SCUBE3: variants seen among roughly 807,000 people sequenced by gnomAD.
SCUBE3 encodes the protein signal peptide, CUB domain and EGF like domain containing 3, also known as signal peptide, CUB and EGF-like domain-containing protein 3.
SCUBE3 carries 33 observed loss-of-function variants against 116.8 expected under a neutral mutation model. That is an observed-to-expected ratio of 0.28 (90% CI 0.21 to 0.38). The LOEUF (loss-of-function observed/expected upper bound fraction) is 0.38. SCUBE3 is among the 10% of genes least tolerant of loss of function. The probability of loss-of-function intolerance (pLI) is 1.00; values close to 1 mark genes in which losing one functional copy is unlikely to be tolerated. For synonymous variants in SCUBE3, 418 were observed against 496.9 expected (o/e 0.84, Z 2.11); for missense variants, 1,007 against 1,324.8 (o/e 0.76, Z 3.72).
chr6:35,242,116 C>T lies in SCUBE3; in HGVS notation c.1418-88C>T, dbSNP rs1784092587. 10 of 1,008,906 alleles carry T rather than the reference C, an allele frequency of 9.9e-6. No individual in the cohort carries two copies. In the South Asian group the frequency reaches 1.3e-4, roughly 13 times the overall value. 62.5% of individuals were successfully genotyped at this position (1,008,906 alleles called of 1,614,324 possible). Reference sequence around the variant, plus strand: ...CTCACTCCCCCAGCCAAGCCCCTGGCTTATTACCCAGCTTCTCAACAACCC... The same window carrying T: ...CTCACTCCCCCAGCCAAGCCCCTGGTTTATTACCCAGCTTCTCAACAACCC... On this transcript the variant is annotated intron_variant, in intron 12 of 21. Coordinates refer to ENST00000274938, the MANE Select transcript of SCUBE3 (RefSeq NM_152753.4).
chr6:35,233,601 G>T lies in SCUBE3; in HGVS notation c.712+300G>T, dbSNP rs538001466. On this transcript the variant is annotated intron_variant, in intron 6 of 21. Transcript: ENST00000274938. This position sits in a 1 kb window ranked among gnomAD's most constrained non-coding sequence, Gnocchi z 5.7. ...CAAACTGGGAATAATTAGCAGAGTT[G>T]CTTATTGACCAAGGCTGTAGTTGAG... Among the ~76,000 whole-genome samples, 98 of 152,326 alleles carry T rather than the reference G, an allele frequency of 6.4e-4. No homozygotes were observed. Among genetic ancestry groups the T allele is most frequent in the Non-Finnish European group, 1.2e-3 (83 of 68,026 alleles).
At chr6:35,247,040 T>C (rs952420774) in intron 21 of SCUBE3, among the ~76,000 whole-genome samples, 1 of 152,126 alleles carries the variant, frequency 6.6e-6, no homozygotes, top group African/African-American at 2.4e-5. Context: ...AATCAATTTA[T>C]GTACAGACTT....
At chr6:35,227,244 C>T (rs766419457) in intron 1 of SCUBE3, among the ~76,000 whole-genome samples, 1 of 152,188 alleles carries the variant, frequency 6.6e-6, no homozygotes, top group Non-Finnish European at 1.5e-5. Flanking sequence ...AACTCATTCA[C>T]TTTAAGTTGA....
At chr6:35,238,120 C>T (rs1251632364) in intron 7 of SCUBE3, 102 bp downstream of exon 7, 2 of 644,616 alleles carry the variant, frequency 3.1e-6, no homozygotes, top group Non-Finnish European at 5.7e-6. Flanking sequence ...TCCTCAACCT[C>T]CTTCTTATGA....
chr6:35,215,099 T>C (rs1782832493), intron 1 of SCUBE3, among the ~76,000 whole-genome samples: 2 of 152,206 alleles, frequency 1.3e-5, no homozygotes, highest in Admixed American at 1.3e-4. Flanking sequence ...GACAGGAATG[T>C]TGCGTTTCTG....
In SCUBE3 at chr6:35,231,301, T is replaced by A. The variant is rs1414638283; in HGVS notation, c.335-424T>A. 6.6e-6 allele frequency among the ~76,000 whole-genome samples: 1 copy of A among 152,016 alleles called. No individual in the cohort carries two copies. Among genetic ancestry groups the A allele is most frequent in the Non-Finnish European group, 1.5e-5 (1 of 67,984 alleles). ...CCTGCACCCAGAGCCACTTCCCAGG[T>A]TCCTACATTCCCTGGCTGCTCATTG... On this transcript the variant is annotated intron_variant, in intron 3 of 21. Coordinates refer to ENST00000274938, the MANE Select transcript of SCUBE3 (RefSeq NM_152753.4). The surrounding 1 kb of genome is among the most constrained non-coding windows in gnomAD (Gnocchi z 4.2).
At chr6:35,217,281 T>G (rs1396122877) in intron 1 of SCUBE3, among the ~76,000 whole-genome samples, 1 of 98,238 alleles carries the variant, frequency 1.0e-5, no homozygotes, top group Non-Finnish European at 1.9e-5. Context: ...CAGCAGTGGT[T>G]AAAAAGACCT....
Position 35,239,978 on chromosome 6 carries a change from C to T in SCUBE3, c.952+104C>T, listed in dbSNP as rs1252840592. The stretch of plus-strand genomic sequence containing the variant: ...TCTTAGAAACTCAATAGATATCACA[C>T]AGAGTCTCTAGAGGCAGTGTCATCC... On this transcript the variant is annotated intron_variant, in intron 8 of 21. Coordinates refer to ENST00000274938, the MANE Select transcript of SCUBE3 (RefSeq NM_152753.4). The surrounding 1 kb of genome is among the most constrained non-coding windows in gnomAD (Gnocchi z 4.1). 9.8e-7 allele frequency: 1 copy of T among 1,018,566 alleles called. No homozygotes were observed. The highest frequency in any genetic ancestry group is 2.8e-5 in the East Asian group (1 of 36,134). 63.1% of individuals were successfully genotyped at this position (1,018,566 alleles called of 1,614,324 possible). A position where few individuals can be genotyped will look rare whatever the true frequency, so the allele number is the denominator to read the frequency against.
Position 35,248,839 on chromosome 6 carries a change from C to G in SCUBE3, c.*134C>G. 1.5e-6 allele frequency: 1 copy of G among 686,080 alleles called. No individual in the cohort carries two copies. The highest frequency in any genetic ancestry group is 2.5e-6 in the Non-Finnish European group (1 of 397,558). The allele number at this position is 686,080 out of a possible 1,614,324, so 42.5% of individuals were successfully genotyped here. A position where few individuals can be genotyped will look rare whatever the true frequency, so the allele number is the denominator to read the frequency against. On this transcript the variant is annotated 3_prime_UTR_variant, in exon 22 of 22. Coordinates refer to ENST00000274938, the MANE Select transcript of SCUBE3 (RefSeq NM_152753.4). The stretch of plus-strand genomic sequence containing the variant: ...GAAAAAAAAAATATCACTACACAAA[C>G]CAGGCACTCTCCCTTTCTGTCTTTC...
In SCUBE3 at chr6:35,249,855, A is replaced by G. The variant is rs976314156; in HGVS notation, c.*1150A>G. Reference sequence around the variant, plus strand: ...TGTGCACTTGGCGAGCCTCCTGCCCACCCTGTCCACACCTAATAAGTGCAA... The same window carrying G: ...TGTGCACTTGGCGAGCCTCCTGCCCGCCCTGTCCACACCTAATAAGTGCAA... On this transcript the variant is annotated 3_prime_UTR_variant, in exon 22 of 22. Coordinates refer to ENST00000274938, the MANE Select transcript of SCUBE3 (RefSeq NM_152753.4). 19 of 152,488 alleles carry G rather than the reference A, an allele frequency of 1.2e-4. No individual in the cohort carries two copies. Among genetic ancestry groups the G allele is most frequent in the African/African-American group, 4.6e-4 (19 of 41,370 alleles). The allele number at this position is 152,488 out of a possible 1,614,324, so 9.4% of individuals were successfully genotyped here.
chr6:35,241,353 G>T lies in SCUBE3; in HGVS notation c.1195+87G>T. The stretch of plus-strand genomic sequence containing the variant: ...TGGAAAGCATAGAGTATCACATTGG[G>T]GAAAGGTGTGAGGTGGAAAGGGTGG... On this transcript the variant is annotated intron_variant, in intron 10 of 21. Coordinates refer to ENST00000274938, the MANE Select transcript of SCUBE3 (RefSeq NM_152753.4). The surrounding 1 kb of genome is among the most constrained non-coding windows in gnomAD (Gnocchi z 4.1). 1 of 1,438,764 alleles carries T rather than the reference G, an allele frequency of 7.0e-7. No individual in the cohort carries two copies. The allele number at this position is 1,438,764 out of a possible 1,614,324, so 89.1% of individuals were successfully genotyped here.
rs759387150 is a variant in SCUBE3 at position 35,228,615 on chromosome 6, C to T, written c.210C>T (p.Asp70=). The T allele has an allele frequency of 1.2e-5, 19 of 1,613,516 alleles. No individual in the cohort carries two copies. Among genetic ancestry groups the T allele is most frequent in the South Asian group, 4.4e-5 (4 of 90,990 alleles). ...GTCTCAGCTTCCCTTTGCCCACAGA[C>T]GTGGATGAGTGCGAGCGAGAGGATA... The part of the protein sequence containing the change: ...GYTGDGKHCK[D]VDECEREDNA... The change falls in exon 3 of 22, where the codon GAC becomes GAT. Residue 70 remains aspartate (D), a splice_region_variant and synonymous_variant. Transcript: ENST00000274938. The surrounding 1 kb of genome is among the most constrained non-coding windows in gnomAD (Gnocchi z 4.9).
chr6:35,222,688 G>A (rs1434372987), intron 1 of SCUBE3: 6 of 152,172 alleles, frequency 3.9e-5, no homozygotes, highest in Admixed American at 1.3e-4. Context: ...GTTCCCAACT[G>A]GCCTCTCACC....
At chr6:35,225,173 C>G (rs922374337) in intron 1 of SCUBE3, among the ~76,000 whole-genome samples, 5 of 152,200 alleles carry the variant, frequency 3.3e-5, no homozygotes, top group African/African-American at 1.2e-4. Context: ...CTTTATTAGC[C>G]AATTTACACA....
At position 35,241,164 on chromosome 6, in the gene SCUBE3, C is replaced by A; in HGVS notation, c.1093C>A (p.Arg365=). 6.2e-7 allele frequency: 1 copy of A among 1,602,306 alleles called. No individual in the cohort carries two copies. Among genetic ancestry groups the A allele is most frequent in the Non-Finnish European group, 8.5e-7 (1 of 1,170,342 alleles). The change falls in exon 10 of 22, where the codon CGG becomes AGG. Residue 365 remains arginine (R), a synonymous_variant. Transcript: ENST00000274938. This position sits in a 1 kb window ranked among gnomAD's most constrained non-coding sequence, Gnocchi z 4.1. ...CGDVDECSIN[R]GGCRFGCINT... ...AGATGTGGATGAATGCAGCATCAAC[C>A]GGGGAGGTTGCCGCTTTGGCTGCAT...
In SCUBE3 at chr6:35,241,018, T is replaced by G. The variant is rs1581941494; in HGVS notation, c.1070-123T>G. On this transcript the variant is annotated intron_variant, in intron 9 of 21. Transcript: ENST00000274938. The surrounding 1 kb of genome is among the most constrained non-coding windows in gnomAD (Gnocchi z 4.1). ...CTGTTGTACAGTAGATCTCTCGAAC[T>G]TATTCATCTTGCGTAATGCAGGGTA... The G allele has an allele frequency of 3.3e-6, 3 of 896,434 alleles. No homozygotes were observed. Among genetic ancestry groups the G allele is most frequent in the African/African-American group, 3.3e-5 (2 of 60,436 alleles). 55.5% of individuals were successfully genotyped at this position (896,434 alleles called of 1,614,324 possible).
intron 21 of SCUBE3, among the ~76,000 whole-genome samples, chr6:35,246,807 C>T (rs570125718): frequency 6.6e-6 from 1 of 152,024 alleles, no homozygotes; most frequent in Admixed American, 6.5e-5. Flanking sequence ...GAAACCTCGT[C>T]TTAATTTTGT....
At position 35,245,546 on chromosome 6, in the gene SCUBE3, A is replaced by G; in HGVS notation, c.2599+121A>G. 3.9e-6 allele frequency: 3 copies of G among 778,408 alleles called. No homozygotes were observed. Among genetic ancestry groups the G allele is most frequent in the Non-Finnish European group, 4.3e-6 (2 of 466,594 alleles). 48.2% of individuals were successfully genotyped at this position (778,408 alleles called of 1,614,324 possible). ...GTGAAGTTAGGGATCTATGAGGGTGAAATAGTGAGAGGCCTTTAGGAAGAG... is the reference window on the plus strand; with the variant it reads ...GTGAAGTTAGGGATCTATGAGGGTGGAATAGTGAGAGGCCTTTAGGAAGAG... On this transcript the variant is annotated intron_variant, in intron 19 of 21. Transcript: ENST00000274938. This position sits in a 1 kb window ranked among gnomAD's most constrained non-coding sequence, Gnocchi z 4.2.
In SCUBE3 at chr6:35,243,456, C is replaced by A. The variant is rs904776489; in HGVS notation, c.1910-138C>A. 3 of 930,884 alleles carry A rather than the reference C, an allele frequency of 3.2e-6. No homozygotes were observed. Among genetic ancestry groups the A allele is most frequent in the East Asian group, 2.6e-5 (1 of 37,788 alleles). 57.7% of individuals were successfully genotyped at this position (930,884 alleles called of 1,614,324 possible). A position where few individuals can be genotyped will look rare whatever the true frequency, so the allele number is the denominator to read the frequency against. On this transcript the variant is annotated intron_variant, in intron 15 of 21. Coordinates refer to ENST00000274938, the MANE Select transcript of SCUBE3 (RefSeq NM_152753.4). The surrounding 1 kb of genome is among the most constrained non-coding windows in gnomAD (Gnocchi z 6.6). ...ACACGGTTTTGACCCTCCTATCCCC[C>A]CAAGTAGGATTGTGTTTGTTCCCTG...
Sources: allele counts gnomAD v4.1 joint callset (sites outside exome capture counted in the v4.1 genomes callset), GRCh38; gene constraint gnomAD v4.1.1; non-coding constraint Gnocchi (gnomAD v3.1); transcripts MANE v1.5; gene names NCBI Gene and HGNC (gene_info 2026-07-23, HGNC 2026-07-21).